The following REPS1 variants were observed in gnomAD, a reference collection of about 807,000 sequenced individuals.
REPS1 encodes ralBP1-associated Eps domain-containing protein 1.
REPS1 carries 39 observed loss-of-function variants against 100.9 expected under a neutral mutation model. That is an observed-to-expected ratio of 0.39 (90% CI 0.30 to 0.50). The LOEUF is 0.50. Ranked by LOEUF, REPS1 falls within the 20% of genes least tolerant of loss-of-function variation. REPS1 has a pLI of 0.86. For missense variants in REPS1, 821 were observed against 968.5 expected (o/e 0.85, Z 2.02); for synonymous variants, 324 against 340.3 (o/e 0.95, Z 0.53).
chr6:138,957,753 A>G (rs1481716259), intron 1 of REPS1, among the ~76,000 whole-genome samples: 2 of 152,214 alleles, frequency 1.3e-5, no homozygotes, highest in Non-Finnish European at 2.9e-5. Flanking sequence ...GAGAAAAAAC[A>G]AAAGACAGTT....
chr6:138,945,197 T>A, intron 4 of REPS1, 22 bp downstream of exon 4: 1 of 1,581,930 alleles, frequency 6.3e-7, no homozygotes, highest in South Asian at 1.2e-5. Context: ...AATGACACTC[T>A]AATCAATCAA....
At chr6:138,979,079 G>A (rs1182706078) in intron 1 of REPS1, among the ~76,000 whole-genome samples, 2 of 150,420 alleles carry the variant, frequency 1.3e-5, no homozygotes, top group Non-Finnish European at 2.9e-5. Context: ...AACTCTGATG[G>A]CTGAGGCAGG....
At position 138,941,493 on chromosome 6, in the gene REPS1, G is replaced by T. The variant is rs968913215; in HGVS notation, c.981-4C>A. ...TTTATCAAAGTCTGAGAGTTCCCTA[G>T]AAGATAAGTTTATTGTGAATATAAT... On this transcript the variant is annotated splice_polypyrimidine_tract_variant and splice_region_variant and intron_variant, in intron 7 of 19. Transcript: ENST00000450536. 6.2e-7 allele frequency: 1 copy of T among 1,612,296 alleles called. No homozygotes were observed. The highest frequency in any genetic ancestry group is 8.5e-7 in the Non-Finnish European group (1 of 1,178,786).
chr6:138,909,165 C>T (rs1779850423), intron 17 of REPS1, among the ~76,000 whole-genome samples: 1 of 152,194 alleles, frequency 6.6e-6, no homozygotes, highest in South Asian at 2.1e-4. Flanking sequence ...TATGCATTAT[C>T]ACCATAGGAT....
chr6:138,983,356 G>T (rs1296036556), intron 1 of REPS1, among the ~76,000 whole-genome samples: 2 of 152,192 alleles, frequency 1.3e-5, no homozygotes, highest in Non-Finnish European at 1.5e-5. Flanking sequence ...CCAGGAGGCT[G>T]AGGCAGAAGA....
At chr6:138,958,236 A>G (rs1783522442) in intron 1 of REPS1, among the ~76,000 whole-genome samples, 1 of 152,236 alleles carries the variant, frequency 6.6e-6, no homozygotes, top group South Asian at 2.1e-4. Flanking sequence ...AAAGAGTTTA[A>G]TAAGTTCGAA....
chr6:138,959,236 GA>G (rs1038648896), intron 1 of REPS1, among the ~76,000 whole-genome samples: 1 of 152,126 alleles, frequency 6.6e-6, no homozygotes, highest in African/African-American at 2.4e-5. Flanking sequence ...CCTATGCCCA[GA>G]ATGAGACTGC....
At chr6:138,944,902 A>C (rs1782510251) in intron 4 of REPS1, among the ~76,000 whole-genome samples, 1 of 152,222 alleles carries the variant, frequency 6.6e-6, no homozygotes, top group Non-Finnish European at 1.5e-5. Flanking sequence ...TCACAGATAC[A>C]CATAAATGCA....
chr6:138,972,371 TAGG>T (rs1169367144), intron 1 of REPS1, among the ~76,000 whole-genome samples: 1 of 152,052 alleles, frequency 6.6e-6, no homozygotes, highest in African/African-American at 2.4e-5. Flanking sequence ...CAGTCCCTAT[TAGG>T]AGAATAATCA....
chr6:138,986,755 T>C (rs933563952), intron 1 of REPS1, among the ~76,000 whole-genome samples: 9 of 147,420 alleles, frequency 6.1e-5, no homozygotes, highest in South Asian at 2.1e-4. Context: ...TAAGAACTTC[T>C]AGGAAGTCCT....
intron 1 of REPS1, among the ~76,000 whole-genome samples, chr6:138,980,844 C>A (rs58847815): frequency 1.3e-5 from 2 of 152,000 alleles, no homozygotes; most frequent in African/African-American, 4.8e-5. Context: ...CAGGCCACCA[C>A]GCCTGGCCAG....
chr6:138,940,528 T>C (rs1018270185), intron 8 of REPS1, among the ~76,000 whole-genome samples: 2 of 151,914 alleles, frequency 1.3e-5, no homozygotes, highest in African/African-American at 2.4e-5. Context: ...GGGCAGATCA[T>C]GAGGTCAAGA....
chr6:138,918,835 C>G (rs1780573947), intron 12 of REPS1, among the ~76,000 whole-genome samples: 2 of 152,188 alleles, frequency 1.3e-5, no homozygotes, highest in African/African-American at 4.8e-5. Flanking sequence ...CAGAAATAGA[C>G]TAAGAGTTGT....
chr6:138,945,705 C>T lies in REPS1; in HGVS notation c.278-8G>A. ...GCAGAGGAAGGTCCTTTACTGTTAACCACAAAATAATCATTACTTCAAAAT... is the reference window on the plus strand; with the variant it reads ...GCAGAGGAAGGTCCTTTACTGTTAATCACAAAATAATCATTACTTCAAAAT... On this transcript the variant is annotated splice_polypyrimidine_tract_variant and splice_region_variant and intron_variant, in intron 2 of 19. Transcript: ENST00000450536. 2 of 1,534,812 alleles carry T rather than the reference C, an allele frequency of 1.3e-6. No homozygotes were observed. Among genetic ancestry groups the T allele is most frequent in the South Asian group, 1.3e-5 (1 of 77,968 alleles).
At chr6:138,971,902 G>T (rs1041340975) in intron 1 of REPS1, among the ~76,000 whole-genome samples, 1 of 152,148 alleles carries the variant, frequency 6.6e-6, no homozygotes, top group East Asian at 1.9e-4. Context: ...AGCCAAGCAG[G>T]GCTAAGCAAA....
At chr6:138,931,114 C>G (rs1781459573) in intron 8 of REPS1, among the ~76,000 whole-genome samples, 1 of 152,176 alleles carries the variant, frequency 6.6e-6, no homozygotes. Context: ...ATCATTGTGT[C>G]TGACCATGGG....
intron 1 of REPS1, among the ~76,000 whole-genome samples, chr6:138,986,192 T>C (rs749849590): frequency 6.6e-6 from 1 of 152,208 alleles, no homozygotes; most frequent in Non-Finnish European, 1.5e-5. Flanking sequence ...AGAGAGCATA[T>C]GTGGCCAGCA....
chr6:138,950,487 CA>C (rs200837573), intron 1 of REPS1, among the ~76,000 whole-genome samples: 3 of 148,824 alleles, frequency 2.0e-5, no homozygotes, highest in African/African-American at 7.4e-5. Context: ...TCTCCCCCCG[CA>C]AAAAAAAAGA....
At chr6:138,986,785 G>A (rs1403073890) in intron 1 of REPS1, among the ~76,000 whole-genome samples, 3 of 148,328 alleles carry the variant, frequency 2.0e-5, no homozygotes, top group South Asian at 2.1e-4. Flanking sequence ...AAGCAGATAT[G>A]ATAAAAAAAG....
Sources: gnomAD v4.1 joint callset for allele counts (sites outside exome capture counted in the v4.1 genomes callset) on GRCh38, gnomAD v4.1.1 for gene constraint, MANE v1.5 for transcripts, NCBI Gene and HGNC (gene_info 2026-07-23, HGNC 2026-07-21) for gene names.